Variants in FILIP1 observed in about 807,000 individuals in gnomAD.
FILIP1 encodes the protein filamin-A-interacting protein 1.
FILIP1 carries 61 observed loss-of-function variants against 102.1 expected under a neutral mutation model. The observed-to-expected ratio is 0.60, with a 90% CI of 0.49 to 0.74. FILIP1 has a LOEUF of 0.74. FILIP1 is among the 30% of genes least tolerant of loss of function. The pLI, the probability that FILIP1 is intolerant of heterozygous loss-of-function variation, is 0.00. For missense variants in FILIP1, 1,314 were observed against 1,441.2 expected, an observed-to-expected ratio of 0.91 and a Z score of 1.43; for synonymous variants, 491 against 526.9, an observed-to-expected ratio of 0.93 and a Z score of 0.93.
intron 2 of FILIP1, among the ~76,000 whole-genome samples, chr6:75,380,105 G>C (rs1775862245): frequency 6.6e-6 from 1 of 151,826 alleles, no homozygotes; most frequent in African/African-American, 2.4e-5. Context: ...AATATACATG[G>C]GTAGTTATCT....
intron 1 of FILIP1, among the ~76,000 whole-genome samples, chr6:75,447,795 A>T (rs1778488687): frequency 6.6e-6 from 1 of 152,114 alleles, no homozygotes; most frequent in Admixed American, 6.5e-5. Flanking sequence ...TTAAATCTTC[A>T]TCTTAAAAGT....
intron 4 of FILIP1, among the ~76,000 whole-genome samples, chr6:75,315,695 A>T (rs1482219815): frequency 6.6e-6 from 1 of 152,238 alleles, no homozygotes; most frequent in Non-Finnish European, 1.5e-5. Context: ...AACATGAGAT[A>T]CAGGGGAATT....
Position 75,403,489 on chromosome 6 carries a change from G to A in FILIP1, c.276+11208C>T, listed in dbSNP as rs530619756. Among the ~76,000 whole-genome samples, 213 of 137,814 alleles carry A rather than the reference G, an allele frequency of 1.5e-3. 1 individual carries two copies. The highest frequency in any genetic ancestry group is 5.3e-3 in the African/African-American group (190 of 35,530). The allele number at this position is 137,814 out of a possible 152,430, so 90.4% of individuals were successfully genotyped here. A position where few individuals can be genotyped will look rare whatever the true frequency, so the allele number is the denominator to read the frequency against. On this transcript the variant is annotated intron_variant, in intron 2 of 5. Transcript: ENST00000237172. ...GTGCATGTCACTGTGCTCCAGCCTGGGCAACAAAGCAAGACTCTGTCCCAC... is the reference window on the plus strand; with the variant it reads ...GTGCATGTCACTGTGCTCCAGCCTGAGCAACAAAGCAAGACTCTGTCCCAC...
rs758018954 is a variant in FILIP1, at chr6:75,314,020, C to T, written c.1812G>A (p.Glu604=). The change falls in exon 5 of 6, where the codon GAG becomes GAA. Residue 604 remains glutamate, a synonymous_variant. Transcript: ENST00000237172. The part of the protein sequence containing the change: ...DLLKKRLDGI[E]EVEREITRGR... Reference sequence around the variant, plus strand: ...CTCTTGTTATTTCTCTTTCCACTTCCTCTATACCATCAAGTCTCTTCTTTA... The same window carrying T: ...CTCTTGTTATTTCTCTTTCCACTTCTTCTATACCATCAAGTCTCTTCTTTA... 4 of 1,542,390 alleles carry T rather than the reference C, an allele frequency of 2.6e-6. No individual in the cohort carries two copies. The highest frequency in any genetic ancestry group is 2.3e-5 in the East Asian group (1 of 44,220).
intron 4 of FILIP1, among the ~76,000 whole-genome samples, chr6:75,338,971 A>G (rs530515610): frequency 3.5e-4 from 53 of 152,390 alleles, no homozygotes; most frequent in Middle Eastern, 3.4e-3. Context: ...TCATGAAAAA[A>G]AATCCATAGG....
intron 1 of FILIP1, chr6:75,465,324 T>C (rs1279030971): frequency 5.1e-6 from 2 of 394,586 alleles, no homozygotes; most frequent in Non-Finnish European, 9.3e-6. Flanking sequence ...ATATACAGCC[T>C]TAAAATAAAA....
intron 2 of FILIP1, among the ~76,000 whole-genome samples, chr6:75,382,458 G>T (rs1311801970): frequency 6.6e-6 from 1 of 152,194 alleles, no homozygotes; most frequent in African/African-American, 2.4e-5. Context: ...GGCCATCAGA[G>T]CTTTTCACTG....
intron 1 of FILIP1, among the ~76,000 whole-genome samples, chr6:75,490,400 G>A (rs1435337120): frequency 6.6e-6 from 1 of 151,986 alleles, no homozygotes; most frequent in Non-Finnish European, 1.5e-5. Flanking sequence ...GTTTTCACGA[G>A]CAATTAAATA....
intron 1 of FILIP1, among the ~76,000 whole-genome samples, chr6:75,431,912 T>C (rs918880813): frequency 6.6e-6 from 1 of 152,232 alleles, no homozygotes; most frequent in Admixed American, 6.5e-5. Context: ...TAGTACCCTA[T>C]GCAAAAGATA....
intron 1 of FILIP1, chr6:75,465,654 A>G: frequency 1.1e-5 from 3 of 279,212 alleles, no homozygotes; most frequent in Non-Finnish European, 2.0e-5. Flanking sequence ...TTCCAGGTGC[A>G]TCTTATAGAC....
chr6:75,412,178 A>G (rs960360237), intron 2 of FILIP1, among the ~76,000 whole-genome samples: 3 of 152,104 alleles, frequency 2.0e-5, no homozygotes, highest in South Asian at 4.1e-4. Context: ...CTTTGTAGCA[A>G]TTGTGAATGG....
rs375290523 is a variant in FILIP1 at position 75,308,781 on chromosome 6, G to A, written c.3552C>T (p.Phe1184=). The change falls in exon 6 of 6, where the codon TTC becomes TTT. Residue 1184 remains phenylalanine, a synonymous_variant. Transcript: ENST00000237172. The part of the protein sequence containing the change: ...AAPGAGNLTK[F]EPRAETQSMK... ...TAGACTGAGTCTCAGCTCGAGGCTC[G>A]AATTTGGTCAGATTTCCTGCTCCTG... is the stretch of plus-strand genomic sequence containing the variant. 1.1e-4 allele frequency: 170 copies of A among 1,613,840 alleles called. No individual in the cohort carries two copies. Among genetic ancestry groups the A allele is most frequent in the African/African-American group, 6.7e-5 (5 of 74,870 alleles).
intron 1 of FILIP1, among the ~76,000 whole-genome samples, chr6:75,481,583 G>A (rs1015860401): frequency 3.3e-5 from 5 of 152,134 alleles, no homozygotes; most frequent in Non-Finnish European, 7.4e-5. Flanking sequence ...CTATCCGCCT[G>A]CCAGAATACC....
At chr6:75,336,336 G>A (rs1028535702) in intron 4 of FILIP1, among the ~76,000 whole-genome samples, 1 of 152,100 alleles carries the variant, frequency 6.6e-6, no homozygotes, top group Non-Finnish European at 1.5e-5. Flanking sequence ...TTAACTTACA[G>A]GGCTGTTATG....
chr6:75,418,441 T>C (rs1243051658), intron 1 of FILIP1, among the ~76,000 whole-genome samples: 1 of 152,226 alleles, frequency 6.6e-6, no homozygotes, highest in East Asian at 1.9e-4. Flanking sequence ...GGTACAGTTA[T>C]GAAAACAGGA....
chr6:75,432,834 C>T (rs9447480), intron 1 of FILIP1, among the ~76,000 whole-genome samples: 3,584 of 152,074 alleles, frequency 0.024, 163 homozygotes, highest in African/African-American at 0.08. Flanking sequence ...CTTCCCCCTC[C>T]CCCCACTTCC....
At position 75,456,487 on chromosome 6, in the gene FILIP1, T is replaced by G. The variant is rs570690631; in HGVS notation, c.-7+36927A>C. Among the ~76,000 whole-genome samples, 4 of 152,310 alleles carry G rather than the reference T, an allele frequency of 2.6e-5. No individual in the cohort carries two copies. In the East Asian group the frequency reaches 5.8e-4, roughly 22 times the overall value. ...AATCTCAGATAAAGAACAAATAAGT[T>G]TTCAATAAAAGTGTGTTTCATTTAA... On this transcript the variant is annotated intron_variant, in intron 1 of 5. Transcript: ENST00000237172.
intron 2 of FILIP1, among the ~76,000 whole-genome samples, chr6:75,397,678 A>G (rs2149666596): frequency 6.6e-6 from 1 of 152,164 alleles, no homozygotes; most frequent in African/African-American, 2.4e-5. Context: ...AGTAATGTTA[A>G]GATCCCTTTC....
intron 4 of FILIP1, chr6:75,319,701 G>T (rs1283617849): frequency 3.0e-6 from 1 of 336,218 alleles, no homozygotes; most frequent in Non-Finnish European, 5.7e-6. Context: ...GTAGCGGCGG[G>T]CGCCTGTAGT....
Sources: allele counts gnomAD v4.1 joint callset (sites outside exome capture counted in the v4.1 genomes callset), GRCh38; gene constraint gnomAD v4.1.1; transcripts MANE v1.5; gene names NCBI Gene and HGNC (gene_info 2026-07-23, HGNC 2026-07-21).